The following PRKG1 variants were observed in gnomAD, a reference collection of about 807,000 sequenced individuals.
The protein encoded by PRKG1 is cGMP-dependent protein kinase 1.
A neutral mutation model predicts 88.1 loss-of-function variants in PRKG1; 35 were observed. That is an observed-to-expected ratio of 0.40 (90% CI 0.30 to 0.53). PRKG1 has a LOEUF of 0.53. PRKG1 is among the 20% of genes least tolerant of loss of function. PRKG1 has a pLI of 0.59. For missense variants in PRKG1, 540 were observed against 839.8 expected (o/e 0.64, Z 4.41); for synonymous variants, 303 against 292.5 (o/e 1.04, Z -0.37).
intron 4 of PRKG1, among the ~76,000 whole-genome samples, chr10:51,859,259 T>C (rs898846183): frequency 2.6e-5 from 4 of 152,152 alleles, no homozygotes; most frequent in Non-Finnish European, 4.4e-5. Context: ...AGACATTATA[T>C]ACACCCACAC....
intron 2 of PRKG1, among the ~76,000 whole-genome samples, chr10:51,286,287 A>C (rs1014551924): frequency 1.3e-5 from 2 of 152,144 alleles, no homozygotes; most frequent in Non-Finnish European, 2.9e-5. Flanking sequence ...GAATCTTTCA[A>C]AGGCATCCTT....
intron 5 of PRKG1, among the ~76,000 whole-genome samples, chr10:51,943,102 A>G (rs980698944): frequency 1.5e-4 from 23 of 152,090 alleles, no homozygotes; most frequent in Middle Eastern, 3.4e-3. Context: ...ATGTTCTTCC[A>G]TTTGTTTGTA....
intron 2 of PRKG1, among the ~76,000 whole-genome samples, chr10:51,233,912 C>T (rs1838913098): frequency 6.6e-6 from 1 of 152,044 alleles, no homozygotes; most frequent in African/African-American, 2.4e-5. Flanking sequence ...TTACATTCTT[C>T]TTATGAATCA....
chr10:51,188,295 T>G (rs534574125), intron 2 of PRKG1, among the ~76,000 whole-genome samples: 4 of 152,136 alleles, frequency 2.6e-5, no homozygotes, highest in African/African-American at 7.2e-5. Flanking sequence ...GTGAGTAACT[T>G]TAGAAATACA....
At chr10:51,939,678 G>C (rs897765286) in intron 5 of PRKG1, among the ~76,000 whole-genome samples, 2 of 151,552 alleles carry the variant, frequency 1.3e-5, no homozygotes, top group Non-Finnish European at 2.9e-5. Flanking sequence ...CCTCTGGTAA[G>C]TACTTTAGGG....
At chr10:51,465,736 G>A (rs1839889192) in intron 2 of PRKG1, among the ~76,000 whole-genome samples, 1 of 152,084 alleles carries the variant, frequency 6.6e-6, no homozygotes, top group South Asian at 2.1e-4. Flanking sequence ...TGGGCAAGGG[G>A]AAATTAAAAA....
chr10:51,856,908 G>A (rs1840694693), intron 4 of PRKG1, among the ~76,000 whole-genome samples: 1 of 149,350 alleles, frequency 6.7e-6, no homozygotes, highest in Non-Finnish European at 1.5e-5. Flanking sequence ...AGGTTGCAGT[G>A]AGCTGAGATT....
rs114941090 is a variant in PRKG1 at position 52,239,643 on chromosome 10, G to A, written c.1077-11927G>A. 7.1e-3 allele frequency among the ~76,000 whole-genome samples: 1,068 copies of A among 150,816 alleles called. 12 individuals are homozygous for A. The highest frequency in any genetic ancestry group is 0.025 in the African/African-American group (1,010 of 41,080). ...AAAATGGGGAAAATTATTTAGGGCT[G>A]TTCAACTAGATATATACAAGTGTAG... On this transcript the variant is annotated intron_variant, in intron 9 of 17. Coordinates refer to ENST00000373980, the MANE Select transcript of PRKG1 (RefSeq NM_006258.4).
intron 1 of PRKG1, among the ~76,000 whole-genome samples, chr10:51,102,713 T>C (rs765574303): frequency 6.6e-6 from 1 of 152,136 alleles, no homozygotes; most frequent in Non-Finnish European, 1.5e-5. Context: ...GCAAGGACCA[T>C]AGTTAACAAG....
intron 1 of PRKG1, among the ~76,000 whole-genome samples, chr10:51,103,328 A>G (rs1413305177): frequency 6.6e-6 from 1 of 152,190 alleles, no homozygotes; most frequent in African/African-American, 2.4e-5. Context: ...AAGGCATTTG[A>G]TCATGAAATT....
intron 3 of PRKG1, among the ~76,000 whole-genome samples, chr10:51,507,939 AT>A (rs138105492): frequency 2.0e-5 from 3 of 152,006 alleles, no homozygotes; most frequent in Non-Finnish European, 4.4e-5. Flanking sequence ...AACATGTGTA[AT>A]TTTTTTTAAA....
At chr10:51,663,970 T>G (rs908209545) in intron 3 of PRKG1, among the ~76,000 whole-genome samples, 2 of 152,132 alleles carry the variant, frequency 1.3e-5, no homozygotes, top group Non-Finnish European at 1.5e-5. Context: ...TGAATTTTAT[T>G]AATTTCTACT....
At chr10:51,075,447 G>T (rs1843924383) in intron 1 of PRKG1, among the ~76,000 whole-genome samples, 1 of 152,180 alleles carries the variant, frequency 6.6e-6, no homozygotes, top group Admixed American at 6.5e-5. Flanking sequence ...AAGCAAATAG[G>T]CATAGAAAAA....
At chr10:51,886,708 G>A (rs1841579059) in intron 4 of PRKG1, among the ~76,000 whole-genome samples, 1 of 152,084 alleles carries the variant, frequency 6.6e-6, no homozygotes, top group African/African-American at 2.4e-5. Flanking sequence ...TGTAACAAAT[G>A]GCAGCATTTA....
chr10:51,877,656 G>A (rs1329765316), intron 4 of PRKG1, among the ~76,000 whole-genome samples: 2 of 152,046 alleles, frequency 1.3e-5, no homozygotes, highest in South Asian at 2.1e-4. Context: ...TTCCATAATA[G>A]CATTTGCAAC....
intron 3 of PRKG1, among the ~76,000 whole-genome samples, chr10:51,768,587 G>T (rs1253045745): frequency 6.6e-6 from 1 of 152,126 alleles, no homozygotes; most frequent in African/African-American, 2.4e-5. Context: ...ATCAGTAAGT[G>T]CTAGGATTGA....
chr10:52,260,428 G>A lies in PRKG1; in HGVS notation c.1173+8762G>A, dbSNP rs185575339. 4.2e-3 allele frequency among the ~76,000 whole-genome samples: 642 copies of A among 152,210 alleles called. 7 individuals carry two copies. Among genetic ancestry groups the A allele is most frequent in the African/African-American group, 0.015 (614 of 41,552 alleles). ...AGTTAATTGGGCCACATGTCAGAAAGAGAGTTGAATTTCACAGTATGTGAT... is the reference window on the plus strand; with the variant it reads ...AGTTAATTGGGCCACATGTCAGAAAAAGAGTTGAATTTCACAGTATGTGAT... On this transcript the variant is annotated intron_variant, in intron 10 of 17. Coordinates refer to ENST00000373980, the MANE Select transcript of PRKG1 (RefSeq NM_006258.4).
At position 52,022,447 on chromosome 10, in the gene PRKG1, A is replaced by G. The variant is rs561333807; in HGVS notation, c.763-32037A>G. Among the ~76,000 whole-genome samples the G allele has an allele frequency of 2.4e-4, 36 of 152,324 alleles. 1 individual carries two copies. In the Middle Eastern group the frequency reaches 0.014, roughly 58 times the overall value. On this transcript the variant is annotated intron_variant, in intron 5 of 17. Coordinates refer to ENST00000373980, the MANE Select transcript of PRKG1 (RefSeq NM_006258.4). ...GGTACTCTAATTTCTGATGAAATTT[A>G]TATTACTTAAAGTTAAAATTTAACA...
At chr10:51,538,260 C>T (rs571081530) in intron 3 of PRKG1, among the ~76,000 whole-genome samples, 10 of 151,832 alleles carry the variant, frequency 6.6e-5, no homozygotes, top group African/African-American at 2.4e-4. Context: ...ATGTTCAGTA[C>T]AAAAGATACT....
Sources: allele counts gnomAD v4.1 joint callset (sites outside exome capture counted in the v4.1 genomes callset), GRCh38; gene constraint gnomAD v4.1.1; transcripts MANE v1.5; gene names NCBI Gene and HGNC (gene_info 2026-07-23, HGNC 2026-07-21).